CPNE4: variants seen among roughly 807,000 people sequenced by gnomAD.
CPNE4 encodes the protein copine 4.
CPNE4 carries 25 observed loss-of-function variants against 67.9 expected under a neutral mutation model. The observed-to-expected ratio is 0.37, with a 90% CI of 0.27 to 0.51. The LOEUF is 0.51. CPNE4 is among the 20% of genes least tolerant of loss of function. CPNE4 has a pLI of 0.93. For missense variants in CPNE4, 464 were observed against 690.8 expected (o/e 0.67, Z 3.68); for synonymous variants, 242 against 244.9 (o/e 0.99, Z 0.11).
At chr3:131,796,753 A>C (rs2083929489) in intron 2 of CPNE4, among the ~76,000 whole-genome samples, 3 of 152,260 alleles carry the variant, frequency 2.0e-5, no homozygotes. Flanking sequence ...ATGTCATCGC[A>C]TTTGCAAATG....
intron 1 of CPNE4, among the ~76,000 whole-genome samples, chr3:131,995,401 G>C (rs1353608399): frequency 6.6e-6 from 1 of 152,094 alleles, no homozygotes; most frequent in Non-Finnish European, 1.5e-5. Context: ...GTTCTGTGGA[G>C]GCCTTTTGCT....
At chr3:131,768,215 G>T (rs2083073048) in intron 2 of CPNE4, among the ~76,000 whole-genome samples, 1 of 152,058 alleles carries the variant, frequency 6.6e-6, no homozygotes, top group Non-Finnish European at 1.5e-5. Context: ...ACTTCTGACA[G>T]CTTGTATAGG....
At chr3:131,815,680 G>C (rs1430496059) in intron 2 of CPNE4, among the ~76,000 whole-genome samples, 1 of 152,286 alleles carries the variant, frequency 6.6e-6, no homozygotes, top group South Asian at 2.1e-4. Context: ...TTATTCCAGA[G>C]AGCCAGCAAA....
At chr3:131,587,639 G>A in intron 7 of CPNE4, 57 bp from the exon 8 acceptor site, 2 of 1,248,128 alleles carry the variant, frequency 1.6e-6, no homozygotes, top group South Asian at 1.2e-5. Flanking sequence ...CACAGCAGCT[G>A]AAGGCAATGT....
rs1285177187 is a variant in CPNE4 at position 131,895,932 on chromosome 3, TATCTA to T, written c.180+9327_180+9331del. 2.6e-5 allele frequency among the ~76,000 whole-genome samples: 4 copies of T among 152,086 alleles called. No homozygotes were observed. The South Asian group carries it at 8.3e-4, about 32-fold the overall frequency. On this transcript the variant is annotated intron_variant, in intron 2 of 15. Transcript: ENST00000429747. ...CAGGAATTTCAATGGCTAAAAAACT[TATCTA>T]ATCCCCGGCCAGGGGATCACGCCTA...
chr3:131,955,417 T>TTTTTGTTTTTTTTTTG (rs2071926113), intron 1 of CPNE4, among the ~76,000 whole-genome samples: 2 of 125,042 alleles, frequency 1.6e-5, no homozygotes, highest in African/African-American at 6.7e-5. Flanking sequence ...AAGGTTTTTT[T>TTTTTGTTTTTTTTTTG]TTTTTTTTTT....
intron 2 of CPNE4, among the ~76,000 whole-genome samples, chr3:131,864,796 G>A (rs1003405407): frequency 1.3e-5 from 2 of 151,954 alleles, no homozygotes; most frequent in African/African-American, 4.8e-5. Flanking sequence ...GTTTTCAAAG[G>A]GAATGCTTCC....
At chr3:131,669,843 G>A in intron 6 of CPNE4, 79 bp from the exon 7 acceptor site, 1 of 1,105,154 alleles carries the variant, frequency 9.0e-7, no homozygotes, top group Non-Finnish European at 1.4e-6. Context: ...AACTGCTTGA[G>A]AAACCATTGT....
intron 2 of CPNE4, among the ~76,000 whole-genome samples, chr3:131,789,789 G>A (rs188988649): frequency 6.6e-6 from 1 of 151,494 alleles, no homozygotes; most frequent in East Asian, 1.9e-4. Flanking sequence ...TGATTTTGAG[G>A]GGGCATATAC....
chr3:131,752,120 T>A (rs1426938005), intron 2 of CPNE4, among the ~76,000 whole-genome samples: 1 of 152,150 alleles, frequency 6.6e-6, no homozygotes, highest in Non-Finnish European at 1.5e-5. Context: ...TGATCTTTAA[T>A]CCCAATGCAA....
chr3:131,706,187 T>C (rs2081409816), intron 3 of CPNE4, among the ~76,000 whole-genome samples: 1 of 152,172 alleles, frequency 6.6e-6, no homozygotes, highest in Non-Finnish European at 1.5e-5. Flanking sequence ...TTGAAGGAAT[T>C]CTTTGACCGT....
At chr3:132,034,161 T>C (rs1026914104) in intron 1 of CPNE4, among the ~76,000 whole-genome samples, 2 of 152,146 alleles carry the variant, frequency 1.3e-5, no homozygotes, top group Non-Finnish European at 2.9e-5. Context: ...GCTTTCTCAC[T>C]GTCAGAGAGG....
intron 2 of CPNE4, among the ~76,000 whole-genome samples, chr3:131,790,755 GA>G (rs774051100): frequency 7.9e-5 from 12 of 151,962 alleles, no homozygotes; most frequent in South Asian, 4.2e-4. Context: ...ATTTATTTGA[GA>G]AAAAAACCCC....
At chr3:131,878,830 G>C (rs988888024) in intron 2 of CPNE4, among the ~76,000 whole-genome samples, 3 of 152,166 alleles carry the variant, frequency 2.0e-5, no homozygotes, top group Non-Finnish European at 4.4e-5. Context: ...CAGCAAGAAG[G>C]AACCTCATTC....
intron 7 of CPNE4, among the ~76,000 whole-genome samples, chr3:131,606,233 T>G (rs1939494116): frequency 6.6e-6 from 1 of 152,216 alleles, no homozygotes; most frequent in Non-Finnish European, 1.5e-5. Flanking sequence ...GAAACTTGAT[T>G]ACTATGTATT....
At chr3:131,968,859 A>G (rs185527317) in intron 1 of CPNE4, among the ~76,000 whole-genome samples, 1 of 152,382 alleles carries the variant, frequency 6.6e-6, no homozygotes, top group African/African-American at 2.4e-5. Context: ...ATTACTGGGT[A>G]TATACCCAAA....
chr3:131,639,451 T>C (rs1200538769), intron 7 of CPNE4, among the ~76,000 whole-genome samples: 1 of 152,056 alleles, frequency 6.6e-6, no homozygotes, highest in Non-Finnish European at 1.5e-5. Flanking sequence ...CCCTCCTAGA[T>C]TAAACCCGGA....
intron 7 of CPNE4, among the ~76,000 whole-genome samples, chr3:131,616,281 C>T (rs966238725): frequency 5.9e-5 from 9 of 152,144 alleles, no homozygotes; most frequent in Non-Finnish European, 1.3e-4. Context: ...AATGGTATAG[C>T]ATGAGAATAA....
In CPNE4 at chr3:131,552,440, C is replaced by T; in HGVS notation, c.1168G>A (p.Gly390Arg). Residue 390 changes from glycine (G) to arginine (R), a missense_variant and splice_region_variant, in exon 13 of 16, where the codon GGA becomes AGA. Around this residue, in one of 6 missense-constraint regions of CPNE4, gnomAD observed 201 missense variants for 357.7 expected, o/e 0.56. Transcript: ENST00000429747. Reference protein sequence around the residue: ...NFNEDNPECAGIQGVVEAYQS... With the variant: ...NFNEDNPECARIQGVVEAYQS... ...GGCTTTCTTTCACGTTGTGCTTTAC[C>T]TGCACATTCTGGGTTGTCTTCATTA... 1 of 1,611,898 alleles carries T rather than the reference C, an allele frequency of 6.2e-7. No individual in the cohort carries two copies.
Sources: gnomAD v4.1 joint callset for allele counts (sites outside exome capture counted in the v4.1 genomes callset) on GRCh38, gnomAD v4.1.1 for gene constraint, gnomAD v4.1.1 regional missense constraint, MANE v1.5 for transcripts, NCBI Gene and HGNC (gene_info 2026-07-23, HGNC 2026-07-21) for gene names.